The following MAP6 variants were observed in gnomAD, a reference collection of about 807,000 sequenced individuals.
MAP6 encodes microtubule-associated protein 6.
MAP6 carries 26 observed loss-of-function variants against 42.4 expected under a neutral mutation model. The observed-to-expected ratio is 0.61, with a 90% CI of 0.45 to 0.85. MAP6 has a LOEUF of 0.85. MAP6 is among the 40% of genes least tolerant of loss of function. The pLI, the probability that MAP6 is intolerant of heterozygous loss-of-function variation, is 0.00. For synonymous variants in MAP6, 418 were observed against 443.8 expected, an observed-to-expected ratio of 0.94 and a Z score of 0.73; for missense variants, 966 against 1,099.0, an observed-to-expected ratio of 0.88 and a Z score of 1.71.
At position 75,667,663 on chromosome 11, in the gene MAP6, C is replaced by T. The variant is rs1470715995; in HGVS notation, c.707G>A (p.Arg236His). The T allele has an allele frequency of 2.4e-6, 3 of 1,258,942 alleles. No homozygotes were observed. Among genetic ancestry groups the T allele is most frequent in the African/African-American group, 1.6e-5 (1 of 63,984 alleles). 78.0% of individuals were successfully genotyped at this position (1,258,942 alleles called of 1,614,324 possible). A position where few individuals can be genotyped will look rare whatever the true frequency, so the allele number is the denominator to read the frequency against. The stretch of plus-strand genomic sequence containing the variant: ...AGGCCCGGCCTTCCTGCGCGTGTCG[C>T]GCTCGTCCGCCCCGGACGCCTTTCC... The part of the protein sequence containing the change: ...AAGKASGADE[R>H]DTRRKAGPAW... Residue 236 changes from arginine (R) to histidine (H), a missense_variant, in exon 1 of 4, where the codon CGC becomes CAC. This residue lies in a region of MAP6 where 943 missense variants were observed against 1,049.9 expected (regional missense o/e 0.90). Transcript: ENST00000304771. This position sits in a 1 kb window ranked among gnomAD's most constrained non-coding sequence, Gnocchi z 5.6.
intron 1 of MAP6, among the ~76,000 whole-genome samples, chr11:75,611,405 A>G (rs1942895443): frequency 6.6e-6 from 1 of 152,150 alleles, no homozygotes. Context: ...TGGGCTGGGG[A>G]GCGTCTCACC....
At chr11:75,609,514 G>A (rs1162305805) in intron 1 of MAP6, among the ~76,000 whole-genome samples, 1 of 152,230 alleles carries the variant, frequency 6.6e-6, no homozygotes, top group Non-Finnish European at 1.5e-5. Context: ...AGACACGCAG[G>A]CTCTCGTGCT....
chr11:75,626,066 A>G (rs1206410345), intron 1 of MAP6, among the ~76,000 whole-genome samples: 1 of 152,166 alleles, frequency 6.6e-6, no homozygotes. Context: ...TCTGTGAGCC[A>G]TCACTGACCC....
At chr11:75,623,590 G>A (rs1943146846) in intron 1 of MAP6, among the ~76,000 whole-genome samples, 1 of 152,124 alleles carries the variant, frequency 6.6e-6, no homozygotes. Flanking sequence ...CTCATCTGTG[G>A]GGCCTAGGAG....
At chr11:75,608,041 C>A in intron 2 of MAP6, 68 bp downstream of exon 2, 2 of 1,466,218 alleles carry the variant, frequency 1.4e-6, no homozygotes, top group South Asian at 1.2e-5. Context: ...CAGCCCACCC[C>A]ATGCTCTGCT....
intron 1 of MAP6, among the ~76,000 whole-genome samples, chr11:75,666,260 T>A (rs896701428): frequency 6.6e-6 from 1 of 152,124 alleles, no homozygotes; most frequent in Non-Finnish European, 1.5e-5. Flanking sequence ...TGTTAGCTAA[T>A]TGATGTTGGT....
intron 1 of MAP6, among the ~76,000 whole-genome samples, chr11:75,626,896 A>C (rs1417596667): frequency 6.6e-6 from 1 of 152,208 alleles, no homozygotes; most frequent in Non-Finnish European, 1.5e-5. Context: ...TTGATATCAG[A>C]GGTGCTATAA....
In MAP6 at chr11:75,588,079, T is replaced by C. The variant is rs776778736; in HGVS notation, c.1422A>G (p.Gln474=). 7 of 1,613,960 alleles carry C rather than the reference T, an allele frequency of 4.3e-6. No homozygotes were observed. In the East Asian group the frequency reaches 1.3e-4, roughly 31 times the overall value. Residue 474 remains glutamine (Q), a synonymous_variant, in exon 4 of 4, where the codon CAA becomes CAG. Transcript: ENST00000304771. The stretch of plus-strand genomic sequence containing the variant: ...TCAGAGGCTCTTGCACCATAGGACC[T>C]TGACCTTTCAGAAGGCCTGGGACCA... The part of the protein sequence containing the change: ...GSVVPGLLKG[Q]GPMVQEPLKK...
At chr11:75,596,373 C>A (rs560814073) in intron 3 of MAP6, 5 of 152,364 alleles carry the variant, frequency 3.3e-5, no homozygotes, top group Non-Finnish European at 5.9e-5. Flanking sequence ...CTGGACTGGG[C>A]TCGGCTTGAG....
chr11:75,615,692 G>T (rs977869307), intron 1 of MAP6, among the ~76,000 whole-genome samples: 1 of 152,184 alleles, frequency 6.6e-6, no homozygotes, highest in Non-Finnish European at 1.5e-5. Flanking sequence ...CCAGCGCCAG[G>T]CTTCTTTCTG....
chr11:75,590,571 C>T (rs1035042265), intron 3 of MAP6, among the ~76,000 whole-genome samples: 4 of 152,132 alleles, frequency 2.6e-5, no homozygotes, highest in Admixed American at 2.0e-4. Context: ...GATACATAAC[C>T]CCATATTGCT....
intron 1 of MAP6, among the ~76,000 whole-genome samples, chr11:75,663,566 G>C (rs1425323269): frequency 6.6e-6 from 1 of 152,158 alleles, no homozygotes; most frequent in Non-Finnish European, 1.5e-5. Flanking sequence ...TTCATGACGT[G>C]GTGGGGGAGA....
chr11:75,618,773 T>C (rs1341903634), intron 1 of MAP6, among the ~76,000 whole-genome samples: 1 of 152,164 alleles, frequency 6.6e-6, no homozygotes, highest in Non-Finnish European at 1.5e-5. Context: ...CCCCCCTAAA[T>C]TGACCTCCTG....
intron 1 of MAP6, among the ~76,000 whole-genome samples, chr11:75,663,531 C>A (rs11236480): frequency 0.073 from 11,092 of 152,108 alleles, 591 homozygotes; most frequent in East Asian, 0.14. Context: ...ACAGAGTGAA[C>A]AAAATACAGC....
chr11:75,610,361 C>T (rs140419228), intron 1 of MAP6, among the ~76,000 whole-genome samples: 48 of 152,360 alleles, frequency 3.2e-4, no homozygotes, highest in Non-Finnish European at 1.2e-4. Flanking sequence ...TTCATTTTCA[C>T]CCATTCATTC....
chr11:75,636,051 G>T (rs1057026992), intron 1 of MAP6: 1 of 152,184 alleles, frequency 6.6e-6, no homozygotes, highest in Non-Finnish European at 1.5e-5. Context: ...CAGAATGCAG[G>T]GTCCTGGGCC....
intron 3 of MAP6, chr11:75,605,122 C>G (rs1047595742): frequency 1.0e-6 from 1 of 985,310 alleles, no homozygotes; most frequent in East Asian, 1.1e-4. Flanking sequence ...ACCTTCTTCA[C>G]CAGCCCTGAT....
rs910043532 is a variant in MAP6 at position 75,617,741 on chromosome 11, T to C, written c.906-9419A>G. On this transcript the variant is annotated intron_variant, in intron 1 of 3. Coordinates refer to ENST00000304771, the MANE Select transcript of MAP6 (RefSeq NM_033063.2). ...ACCTCAAGTAGAAAGAAATAAGAGATAGATGAGAAGTGATAGGTTGTAAGA... is the reference window on the plus strand; with the variant it reads ...ACCTCAAGTAGAAAGAAATAAGAGACAGATGAGAAGTGATAGGTTGTAAGA... Among the ~76,000 whole-genome samples, 7 of 151,690 alleles carry C rather than the reference T, an allele frequency of 4.6e-5. No homozygotes were observed. In the East Asian group the frequency reaches 1.2e-3, roughly 25 times the overall value.
intron 2 of MAP6, among the ~76,000 whole-genome samples, chr11:75,606,848 C>T (rs1212963685): frequency 6.6e-6 from 1 of 152,220 alleles, no homozygotes; most frequent in African/African-American, 2.4e-5. Flanking sequence ...AGAAGATGGC[C>T]TTGCCTGCTC....
Sources: gnomAD v4.1 joint callset for allele counts (sites outside exome capture counted in the v4.1 genomes callset) on GRCh38, gnomAD v4.1.1 for gene constraint, gnomAD v4.1.1 regional missense constraint, Gnocchi (gnomAD v3.1) non-coding constraint, MANE v1.5 for transcripts, NCBI Gene and HGNC (gene_info 2026-07-23, HGNC 2026-07-21) for gene names.